Variants in NR3C1 observed in about 807,000 individuals in gnomAD.
NR3C1 encodes the protein glucocorticoid receptor.
In NR3C1, 14 loss-of-function variants were observed where a neutral mutation model predicts 74.0. The observed-to-expected ratio is 0.19, with a 90% CI of 0.12 to 0.30. NR3C1 has a LOEUF of 0.30. Ranked by LOEUF, NR3C1 falls within the 10% of genes least tolerant of loss-of-function variation. NR3C1 has a pLI of 1.00. For synonymous variants in NR3C1, 308 were observed against 332.5 expected (o/e 0.93, Z 0.80); for missense variants, 695 against 909.8 (o/e 0.76, Z 3.04).
intron 1 of NR3C1, among the ~76,000 whole-genome samples, chr5:143,427,978 T>C (rs1020244572): frequency 2.6e-5 from 4 of 152,256 alleles, no homozygotes; most frequent in African/African-American, 7.2e-5. Flanking sequence ...GTTATTCTAA[T>C]ATAAGTATGT....
intron 1 of NR3C1, among the ~76,000 whole-genome samples, chr5:143,424,008 A>T (rs1751381273): frequency 7.2e-6 from 1 of 138,600 alleles, no homozygotes; most frequent in South Asian, 2.4e-4. Context: ...TGGGAATTGA[A>T]CAATGAGAAC....
At position 143,401,222 on chromosome 5, in the gene NR3C1, T is replaced by C. The variant is rs1017518466; in HGVS notation, c.-13-370A>G. 2.8e-5 allele frequency: 7 copies of C among 245,690 alleles called. No individual in the cohort carries two copies. In the Admixed American group the frequency reaches 3.5e-4, roughly 12 times the overall value. 15.2% of individuals were successfully genotyped at this position (245,690 alleles called of 1,614,324 possible). A position where few individuals can be genotyped will look rare whatever the true frequency, so the allele number is the denominator to read the frequency against. ...TCAAGTTGATGTCAAAGTATTTAATTTCAAAAAAAGGAAGTGTGATCATTA... is the reference window on the plus strand; with the variant it reads ...TCAAGTTGATGTCAAAGTATTTAATCTCAAAAAAAGGAAGTGTGATCATTA... On this transcript the variant is annotated intron_variant, in intron 1 of 8. Transcript: ENST00000394464.
intron 4 of NR3C1, among the ~76,000 whole-genome samples, chr5:143,309,078 T>TC (rs970712829): frequency 2.7e-5 from 4 of 150,712 alleles, no homozygotes; most frequent in African/African-American, 9.8e-5. Flanking sequence ...GGTTTCTTTT[T>TC]TTTTTTTTTT....
intron 2 of NR3C1, among the ~76,000 whole-genome samples, chr5:143,316,527 T>C (rs1049215404): frequency 2.6e-5 from 4 of 152,150 alleles, no homozygotes; most frequent in African/African-American, 9.7e-5. Context: ...TCATCACCCC[T>C]GGATGCGGTC....
intron 2 of NR3C1, among the ~76,000 whole-genome samples, chr5:143,353,596 A>G (rs1830592179): frequency 6.6e-6 from 1 of 152,208 alleles, no homozygotes; most frequent in African/African-American, 2.4e-5. Context: ...GGGTGAGCCC[A>G]GGTGCACTGT....
chr5:143,397,073 A>G (rs1839357098), intron 2 of NR3C1, among the ~76,000 whole-genome samples: 1 of 151,882 alleles, frequency 6.6e-6, no homozygotes, highest in African/African-American at 2.4e-5. Context: ...TACTAAGCTC[A>G]ATCATAATAT....
At chr5:143,382,221 CCAGT>C (rs950780207) in intron 2 of NR3C1, among the ~76,000 whole-genome samples, 11 of 151,926 alleles carry the variant, frequency 7.2e-5, no homozygotes, top group African/African-American at 1.9e-4. Context: ...ATATCTCACC[CCAGT>C]CAATTATATA....
At chr5:143,374,669 G>C (rs1452200261) in intron 2 of NR3C1, among the ~76,000 whole-genome samples, 1 of 151,962 alleles carries the variant, frequency 6.6e-6, no homozygotes, top group Non-Finnish European at 1.5e-5. Flanking sequence ...CAAATGACAA[G>C]GGCTTCAAAG....
Position 143,279,127 on chromosome 5 carries a change from A to G in NR3C1, c.*2762T>C. On this transcript the variant is annotated 3_prime_UTR_variant, in exon 9 of 9. Transcript: ENST00000394464. ...CAGATAACACATACATAGGAAATAA[A>G]TCTGCTTTCAAACAGCACCACCATA... 1 of 499,854 alleles carries G rather than the reference A, an allele frequency of 2.0e-6. No individual in the cohort carries two copies. The highest frequency in any genetic ancestry group is 3.4e-6 in the Non-Finnish European group (1 of 291,280). 31.0% of individuals were successfully genotyped at this position (499,854 alleles called of 1,614,324 possible).
At chr5:143,403,970 A>G (rs1176286904), upstream of NR3C1, 6 of 985,022 alleles carry the variant, frequency 6.1e-6, no homozygotes, top group South Asian at 2.8e-4. Context: ...TGGCGGCGGC[A>G]GCGGCGGGGG....
At chr5:143,427,934 T>A (rs1215929059) in intron 1 of NR3C1, among the ~76,000 whole-genome samples, 1 of 152,248 alleles carries the variant, frequency 6.6e-6, no homozygotes, top group Non-Finnish European at 1.5e-5. Flanking sequence ...TGGCACAATG[T>A]TATTGTTAAT....
Position 143,399,691 on chromosome 5 carries a change from G to T in NR3C1, c.1149C>A (p.Phe383Leu). The change falls in exon 2 of 9, where the codon TTC (phenylalanine) becomes TTA (leucine). Residue 383 changes from phenylalanine to leucine, a missense_variant. By Grantham distance (22) the Phe-to-Leu change is conservative. Transcript: ENST00000394464. Reference sequence around the variant, plus strand: ...CATTAGAAAAAACTGTTCGACCAGGGAAGTTCAGAGTCCCCAGAGAAGTCA... The same window carrying T: ...CATTAGAAAAAACTGTTCGACCAGGTAAGTTCAGAGTCCCCAGAGAAGTCA... ...DNLTSLGTLN[F>L]PGRTVFSNGY... is the part of the protein sequence containing the mutation. 6.2e-7 allele frequency: 1 copy of T among 1,614,092 alleles called. No homozygotes were observed. Among genetic ancestry groups the T allele is most frequent in the South Asian group, 1.1e-5 (1 of 91,088 alleles).
Position 143,400,590 on chromosome 5 carries a change from G to C in NR3C1, c.250C>G (p.Leu84Val), listed in dbSNP as rs770476389. Residue 84 changes from leucine (L) to valine (V), a missense_variant, in exon 2 of 9, where the codon CTC (leucine) becomes GTC (valine). Coordinates refer to ENST00000394464, the MANE Select transcript of NR3C1 (RefSeq NM_000176.3). Reference protein sequence around the residue: ...QQPDLSKAVSLSMGLYMGETE... With the variant: ...QQPDLSKAVSVSMGLYMGETE... ...TCTCCCATATACAGTCCCATTGAGAGTGAAACTGCTTTGGACAGATCTGGC... is the reference window on the plus strand; with the variant it reads ...TCTCCCATATACAGTCCCATTGAGACTGAAACTGCTTTGGACAGATCTGGC... The C allele has an allele frequency of 8.1e-6, 13 of 1,614,248 alleles. No individual in the cohort carries two copies. The highest frequency in any genetic ancestry group is 1.1e-5 in the Non-Finnish European group (13 of 1,180,048).
chr5:143,402,725 C>T (rs1840547338), intron 1 of NR3C1: 1 of 985,294 alleles, frequency 1.0e-6, no homozygotes, highest in South Asian at 4.7e-5. Context: ...ACGCCCTCCT[C>T]AAGCCAGGCG....
At chr5:143,302,189 G>A (rs1332790247) in intron 4 of NR3C1, among the ~76,000 whole-genome samples, 1 of 152,040 alleles carries the variant, frequency 6.6e-6, no homozygotes. Context: ...CTACCTCATA[G>A]GGTTGTTGTG....
rs183372229 is a variant in NR3C1, at chr5:143,399,984, G to A, written c.856C>T (p.Leu286Phe). The A allele has an allele frequency of 1.2e-6, 2 of 1,614,162 alleles. No individual in the cohort carries two copies. The highest frequency in any genetic ancestry group is 1.7e-5 in the Admixed American group (1 of 60,024). ...TGCTTAATTACCCCAGGGGTGCAGA[G>A]TTCGATGAAATCTTCTTTTTCTGTT... ...VKTEKEDFIELCTPGVIKQEK... is the reference protein window; with the variant it reads ...VKTEKEDFIEFCTPGVIKQEK... The change falls in exon 2 of 9, where the codon CTC (leucine) becomes TTC (phenylalanine). Residue 286 changes from leucine to phenylalanine, a missense_variant. By Grantham distance (22) the Leu-to-Phe change is conservative. Transcript: ENST00000394464.
chr5:143,402,914 G>T, intron 1 of NR3C1: 1 of 894,922 alleles, frequency 1.1e-6, no homozygotes, highest in Non-Finnish European at 1.3e-6. Flanking sequence ...TTCCCGCGAG[G>T]AATGAGAGGC....
chr5:143,373,427 G>C (rs1366223450), intron 2 of NR3C1, among the ~76,000 whole-genome samples: 1 of 138,318 alleles, frequency 7.2e-6, no homozygotes, highest in Non-Finnish European at 1.5e-5. Flanking sequence ...ACAATGTTGA[G>C]TTAAAAAAAC....
chr5:143,361,101 A>G (rs1418865621), intron 2 of NR3C1, among the ~76,000 whole-genome samples: 2 of 152,200 alleles, frequency 1.3e-5, no homozygotes, highest in Non-Finnish European at 2.9e-5. Context: ...GTTTGAAAAC[A>G]GTTCAAACTG....
Sources: allele counts gnomAD v4.1 joint callset (sites outside exome capture counted in the v4.1 genomes callset), GRCh38; gene constraint gnomAD v4.1.1; transcripts MANE v1.5; gene names NCBI Gene and HGNC (gene_info 2026-07-23, HGNC 2026-07-21).